DAB2: variants seen among roughly 807,000 people sequenced by gnomAD.
DAB2 encodes the protein DAB adaptor protein 2.
In DAB2, 28 loss-of-function variants were observed where a neutral mutation model predicts 71.6. The observed-to-expected ratio is 0.39, with a 90% CI of 0.29 to 0.54. The LOEUF (loss-of-function observed/expected upper bound fraction) is 0.54, where lower values mean the gene tolerates loss of function less well. Among genes scored for constraint, DAB2 ranks in the 20% least tolerant of loss-of-function variants. The pLI, the probability that DAB2 is intolerant of heterozygous loss-of-function variation, is 0.68. For missense variants in DAB2, 867 were observed against 928.8 expected (o/e 0.93, Z 0.86); for synonymous variants, 345 against 339.7 (o/e 1.02, Z -0.17).
At chr5:39,379,523 C>T (rs1754908837) in intron 11 of DAB2, among the ~76,000 whole-genome samples, 1 of 151,420 alleles carries the variant, frequency 6.6e-6, no homozygotes, top group South Asian at 2.1e-4. Flanking sequence ...ATACTTATAC[C>T]AGTCTTCATT....
chr5:39,377,591 A>C (rs897293709), intron 11 of DAB2, among the ~76,000 whole-genome samples: 1 of 152,236 alleles, frequency 6.6e-6, no homozygotes, highest in African/African-American at 2.4e-5. Context: ...AGCCCTTATC[A>C]TACAGACACT....
intron 5 of DAB2, 87 bp from the exon 6 acceptor site, chr5:39,390,019 A>ATTT: frequency 5.7e-6 from 5 of 881,644 alleles, no homozygotes; most frequent in Non-Finnish European, 6.6e-6. Flanking sequence ...TCATACTGGG[A>ATTT]TTTTTTTTTT....
At chr5:39,387,507 T>C (rs74874126) in intron 9 of DAB2, among the ~76,000 whole-genome samples, 5 of 152,170 alleles carry the variant, frequency 3.3e-5, no homozygotes, top group African/African-American at 1.2e-4. Flanking sequence ...CATGATGTCA[T>C]TGATGTTGTG....
At position 39,390,046 on chromosome 5, in the gene DAB2, ACTACC is replaced by A. The variant is rs1579909410; in HGVS notation, c.463-119_463-115del. On this transcript the variant is annotated intron_variant, in intron 5 of 14. Coordinates refer to ENST00000320816, the MANE Select transcript of DAB2 (RefSeq NM_001343.4). ...TTTTTTTTTAATCTTAAAACGCCTT[ACTACC>A]CTCTGCTGGCTTATAGGGGATCACC... The A allele has an allele frequency of 4.0e-6, 3 of 744,856 alleles. No individual in the cohort carries two copies. The East Asian group carries it at 8.5e-5, about 21-fold the overall frequency. 46.1% of individuals were successfully genotyped at this position (744,856 alleles called of 1,614,324 possible). A position where few individuals can be genotyped will look rare whatever the true frequency, so the allele number is the denominator to read the frequency against.
In DAB2 at chr5:39,372,321, T is replaced by C. The variant is rs1340883930; in HGVS notation, c.*1110A>G. The C allele has an allele frequency of 6.6e-6, 1 of 152,202 alleles. No individual in the cohort carries two copies. The highest frequency in any genetic ancestry group is 1.9e-4 in the East Asian group (1 of 5,204). 9.4% of individuals were successfully genotyped at this position (152,202 alleles called of 1,614,324 possible). ...ATCTTCCTACTAACGACATTGAGAT[T>C]GTGGCTGCAAGAAAAGTTTTCCAGT... is the stretch of plus-strand genomic sequence containing the variant. On this transcript the variant is annotated 3_prime_UTR_variant, in exon 15 of 15. Coordinates refer to ENST00000320816, the MANE Select transcript of DAB2 (RefSeq NM_001343.4).
intron 2 of DAB2, among the ~76,000 whole-genome samples, chr5:39,393,654 T>C (rs1277333366): frequency 1.3e-5 from 2 of 151,754 alleles, no homozygotes; most frequent in African/African-American, 4.8e-5. Flanking sequence ...TATGGGAATA[T>C]GGGAGGTGGG....
Position 39,381,478 on chromosome 5 carries a change from G to A in DAB2, c.1480C>T (p.Pro494Ser). The change falls in exon 11 of 15, where the codon CCA becomes TCA. Residue 494 changes from proline (P) to serine (S), a missense_variant. Coordinates refer to ENST00000320816, the MANE Select transcript of DAB2 (RefSeq NM_001343.4). ...LDLFKTSAPAPVGPLVGLGGV... is the reference protein window; with the variant it reads ...LDLFKTSAPASVGPLVGLGGV... ...CCTAGACCCACCAGGGGCCCCACTG[G>A]GGCAGGAGCACTTGTTTTGAAGAGA... 6.2e-7 allele frequency: 1 copy of A among 1,613,986 alleles called. No homozygotes were observed. The highest frequency in any genetic ancestry group is 1.7e-5 in the Admixed American group (1 of 60,022).
chr5:39,400,521 C>T (rs952459870), intron 1 of DAB2, among the ~76,000 whole-genome samples: 5 of 152,086 alleles, frequency 3.3e-5, no homozygotes, highest in Non-Finnish European at 5.9e-5. Flanking sequence ...TGTGAGCCAC[C>T]GCATCCGGCT....
At chr5:39,393,922 G>A (rs1026965558) in intron 2 of DAB2, among the ~76,000 whole-genome samples, 3 of 152,052 alleles carry the variant, frequency 2.0e-5, no homozygotes, top group African/African-American at 7.3e-5. Flanking sequence ...AAAATCAAAT[G>A]GTAAATAAAT....
At chr5:39,402,855 T>A (rs546192526) in intron 1 of DAB2, among the ~76,000 whole-genome samples, 3 of 152,176 alleles carry the variant, frequency 2.0e-5, no homozygotes, top group Non-Finnish European at 4.4e-5. Flanking sequence ...CAAAATCTAC[T>A]CTAAGTTACC....
intron 1 of DAB2, chr5:39,408,375 ACCTAC>A (rs1755650815): frequency 6.6e-6 from 1 of 152,144 alleles, no homozygotes; most frequent in African/African-American, 2.4e-5. Context: ...TTGATATTCA[ACCTAC>A]CCATAGAGTT....
At chr5:39,417,054 C>A (rs1755864462) in intron 1 of DAB2, 1 of 152,050 alleles carries the variant, frequency 6.6e-6, no homozygotes, top group Non-Finnish European at 1.5e-5. Flanking sequence ...AATGACGGAT[C>A]TGCTTGGCAA....
intron 5 of DAB2, 43 bp from the exon 6 acceptor site, chr5:39,389,975 T>C: frequency 2.2e-6 from 3 of 1,336,090 alleles, no homozygotes; most frequent in Non-Finnish European, 3.1e-6. Context: ...TTAATTTTAG[T>C]ATTTTATTTC....
In DAB2 at chr5:39,386,819, T is replaced by C. The variant is rs1462418008; in HGVS notation, c.687+1486A>G. ...GTCATTTATACTTGGGAAGTAAGTG[T>C]TCAGATACTGATTTATTTGAGAAAA... On this transcript the variant is annotated intron_variant, in intron 9 of 14. Transcript: ENST00000320816. 2.6e-5 allele frequency among the ~76,000 whole-genome samples: 4 copies of C among 152,184 alleles called. No individual in the cohort carries two copies. In the East Asian group the frequency reaches 5.8e-4, roughly 22 times the overall value.
chr5:39,376,586 A>C (rs1421451512), intron 12 of DAB2, 64 bp downstream of exon 12: 17 of 1,569,504 alleles, frequency 1.1e-5, no homozygotes, highest in Non-Finnish European at 1.4e-5. Context: ...TGGGGAACTC[A>C]TTTAGGTCCA....
At chr5:39,395,937 C>CTTTTGTTTTTTTTTTTTTTTT (rs1755356523) in intron 1 of DAB2, among the ~76,000 whole-genome samples, 1 of 74,858 alleles carries the variant, frequency 1.3e-5, no homozygotes, top group African/African-American at 5.6e-5. Context: ...CACAGATATT[C>CTTTTGTTTTTTTTTTTTTTTT]TTTTTTTTTT....
intron 1 of DAB2, among the ~76,000 whole-genome samples, chr5:39,407,161 G>A (rs1755626373): frequency 6.6e-6 from 1 of 152,152 alleles, no homozygotes; most frequent in South Asian, 2.1e-4. Context: ...TCCTTTCTAA[G>A]CTAGGTTAGA....
intron 4 of DAB2, 200 bp downstream of exon 4, chr5:39,392,165 A>G (rs1755245597): frequency 1.8e-6 from 1 of 552,896 alleles, no homozygotes; most frequent in African/African-American, 1.9e-5. Flanking sequence ...CACATTTATT[A>G]TAGAACACAA....
At chr5:39,387,293 C>T (rs1044981409) in intron 9 of DAB2, among the ~76,000 whole-genome samples, 24 of 152,238 alleles carry the variant, frequency 1.6e-4, no homozygotes, top group African/African-American at 5.1e-4. Flanking sequence ...ACAAGAGAGT[C>T]CTTTCTAGAC....
Sources: gnomAD v4.1 joint callset for allele counts (sites outside exome capture counted in the v4.1 genomes callset) on GRCh38, gnomAD v4.1.1 for gene constraint, MANE v1.5 for transcripts, NCBI Gene and HGNC (gene_info 2026-07-23, HGNC 2026-07-21) for gene names.